SEMA5B: variants seen among roughly 807,000 people sequenced by gnomAD.
The protein encoded by SEMA5B is semaphorin-5B.
In SEMA5B, 66 loss-of-function variants were observed where a neutral mutation model predicts 135.0. That is an observed-to-expected ratio of 0.49 (90% confidence interval 0.40 to 0.60). The LOEUF is 0.60. Ranked by LOEUF, SEMA5B falls within the 20% of genes least tolerant of loss-of-function variation. The pLI, the probability that SEMA5B is intolerant of heterozygous loss-of-function variation, is 0.00. For synonymous variants in SEMA5B, 690 were observed against 639.5 expected, an observed-to-expected ratio of 1.08 and a Z score of -1.19; for missense variants, 1,501 against 1,566.3, an observed-to-expected ratio of 0.96 and a Z score of 0.70.
At chr3:122,968,679 G>A (rs1452408390) in intron 1 of SEMA5B, among the ~76,000 whole-genome samples, 1 of 152,174 alleles carries the variant, frequency 6.6e-6, no homozygotes, top group Non-Finnish European at 1.5e-5. Context: ...AGGTCATCCT[G>A]TCCATCCTCC....
intron 5 of SEMA5B, among the ~76,000 whole-genome samples, chr3:122,934,965 G>A (rs1939180762): frequency 6.6e-6 from 1 of 152,140 alleles, no homozygotes; most frequent in African/African-American, 2.4e-5. Context: ...TCAGGACAGG[G>A]ACGTGGGGGG....
chr3:123,013,857 G>A (rs934172530), intron 1 of SEMA5B, among the ~76,000 whole-genome samples: 1 of 152,262 alleles, frequency 6.6e-6, no homozygotes, highest in African/African-American at 2.4e-5. Context: ...GGATGCTGAC[G>A]GGGAACAAGG....
chr3:122,913,267 T>TGCAGGC lies in SEMA5B; in HGVS notation c.2432_2437dup (p.Leu812_Gln813insArgLeu), dbSNP rs761411789. Reference sequence around the variant, plus strand: ...CGTCTCGGTCCTTCTCCTGCCGAACTGCAGGCCGTGCGGGTCTGCAAGGGG... The same window carrying TGCAGGC: ...CGTCTCGGTCCTTCTCCTGCCGAACTGCAGGCGCAGGCCGTGCGGGTCTGCAAGGGG... On this transcript the variant is annotated inframe_insertion, in exon 17 of 23. Transcript: ENST00000357599. 6.3e-7 allele frequency: 1 copy of TGCAGGC among 1,584,710 alleles called. No homozygotes were observed. The highest frequency in any genetic ancestry group is 1.1e-5 in the South Asian group (1 of 88,218).
At chr3:122,933,610 G>A (rs191951285) in intron 5 of SEMA5B, among the ~76,000 whole-genome samples, 10 of 152,062 alleles carry the variant, frequency 6.6e-5, no homozygotes, top group South Asian at 2.1e-4. Flanking sequence ...ATTTTCTTAC[G>A]TTAGTTCATC....
chr3:122,999,289 C>T (rs373687026), intron 1 of SEMA5B, among the ~76,000 whole-genome samples: 6 of 152,072 alleles, frequency 3.9e-5, no homozygotes, highest in African/African-American at 9.7e-5. Flanking sequence ...TGCAGTGGTG[C>T]GATCTCAGCT....
intron 1 of SEMA5B, among the ~76,000 whole-genome samples, chr3:123,026,768 A>T (rs1028920022): frequency 6.6e-6 from 1 of 152,176 alleles, no homozygotes; most frequent in Non-Finnish European, 1.5e-5. Context: ...AGAAACATAA[A>T]TCGGGAAATC....
At chr3:122,916,789 A>T (rs766106157) in intron 12 of SEMA5B, among the ~76,000 whole-genome samples, 1 of 152,010 alleles carries the variant, frequency 6.6e-6, no homozygotes, top group Non-Finnish European at 1.5e-5. Flanking sequence ...CAGGAATCAG[A>T]GTCTAGTGCT....
chr3:123,021,009 T>C (rs1266655652), intron 1 of SEMA5B, among the ~76,000 whole-genome samples: 2 of 152,230 alleles, frequency 1.3e-5, no homozygotes, highest in East Asian at 3.8e-4. Flanking sequence ...ACCCTCAGCC[T>C]TGGGGACATT....
At chr3:122,989,839 A>C (rs1576394598) in intron 1 of SEMA5B, among the ~76,000 whole-genome samples, 1 of 152,212 alleles carries the variant, frequency 6.6e-6, no homozygotes, top group South Asian at 2.1e-4. Flanking sequence ...AAAGAGGAGA[A>C]GGGTGAAGAC....
chr3:122,956,188 G>A (rs1381687680), intron 2 of SEMA5B, among the ~76,000 whole-genome samples: 1 of 152,258 alleles, frequency 6.6e-6, no homozygotes, highest in Non-Finnish European at 1.5e-5. Flanking sequence ...GAAATCTTCA[G>A]CAGTGAAGAA....
chr3:122,990,544 C>T (rs1169752133), intron 1 of SEMA5B, among the ~76,000 whole-genome samples: 1 of 146,648 alleles, frequency 6.8e-6, no homozygotes, highest in Non-Finnish European at 1.5e-5. Context: ...GTCTTCTCTA[C>T]CTGCCCCCCC....
chr3:122,994,120 C>T (rs187978358), intron 1 of SEMA5B, among the ~76,000 whole-genome samples: 1 of 152,236 alleles, frequency 6.6e-6, no homozygotes, highest in Admixed American at 6.5e-5. Flanking sequence ...TACAGCCCGA[C>T]TTCCTCAACC....
At chr3:122,989,569 G>A (rs1344638265) in intron 1 of SEMA5B, among the ~76,000 whole-genome samples, 1 of 152,126 alleles carries the variant, frequency 6.6e-6, no homozygotes, top group Admixed American at 6.6e-5. Flanking sequence ...TTCCACTTTG[G>A]GTAATCCTCA....
At chr3:122,965,946 G>A (rs1189248291) in intron 1 of SEMA5B, among the ~76,000 whole-genome samples, 9 of 152,190 alleles carry the variant, frequency 5.9e-5, no homozygotes, top group Non-Finnish European at 1.5e-5. Flanking sequence ...GAGCTCAGCC[G>A]ACACAGGTTT....
At chr3:122,912,716 GCA>G in intron 18 of SEMA5B, 125 bp downstream of exon 18, 1 of 943,200 alleles carries the variant, frequency 1.1e-6, no homozygotes, top group Non-Finnish European at 1.6e-6. Context: ...GGGGTCCCTA[GCA>G]CAGAGTTGGC....
chr3:123,008,775 G>C (rs1219859174), intron 1 of SEMA5B, among the ~76,000 whole-genome samples: 2 of 152,276 alleles, frequency 1.3e-5, no homozygotes, highest in Middle Eastern at 3.4e-3. Flanking sequence ...TTGAAGACAG[G>C]GGGAGAGAGG....
intron 10 of SEMA5B, 63 bp from the exon 11 acceptor site, chr3:122,922,510 C>T: frequency 6.8e-7 from 1 of 1,471,556 alleles, no homozygotes; most frequent in Non-Finnish European, 9.2e-7. Context: ...CCCCCGCCGG[C>T]TCCCTCCTCC....
At chr3:123,025,809 C>A (rs1259643947) in intron 1 of SEMA5B, among the ~76,000 whole-genome samples, 1 of 152,240 alleles carries the variant, frequency 6.6e-6, no homozygotes, top group East Asian at 1.9e-4. Context: ...CCCATCTCTC[C>A]TATATTTTAT....
At chr3:122,996,868 T>TAGAGATGC (rs1269570217) in intron 1 of SEMA5B, among the ~76,000 whole-genome samples, 1 of 152,188 alleles carries the variant, frequency 6.6e-6, no homozygotes, top group Non-Finnish European at 1.5e-5. Flanking sequence ...ATCCTTCAGC[T>TAGAGATGC]AGAGATGCAG....
Sources: gnomAD v4.1 joint callset for allele counts (sites outside exome capture counted in the v4.1 genomes callset) on GRCh38, gnomAD v4.1.1 for gene constraint, MANE v1.5 for transcripts, NCBI Gene and HGNC (gene_info 2026-07-23, HGNC 2026-07-21) for gene names.